Variants in NRXN3 observed in about 807,000 individuals in gnomAD.
The protein encoded by NRXN3 is neurexin 3, also known as neurexin III.
A neutral mutation model predicts 137.6 loss-of-function variants in NRXN3; 32 were observed. The observed-to-expected ratio is 0.23, with a 90% confidence interval of 0.18 to 0.31. The LOEUF (loss-of-function observed/expected upper bound fraction) is 0.31. NRXN3 is among the 10% of genes least tolerant of loss of function. The pLI is 1.00. For missense variants in NRXN3, 1,574 were observed against 2,062.5 expected (o/e 0.76, Z 4.59); for synonymous variants, 798 against 784.5 (o/e 1.02, Z -0.29).
rs537076408 is a variant in NRXN3, at chr14:78,537,144, A to G, written c.758-107976A>G. 2.0e-5 allele frequency among the ~76,000 whole-genome samples: 3 copies of G among 152,304 alleles called. No homozygotes were observed. The South Asian group carries it at 6.2e-4, about 32-fold the overall frequency. On this transcript the variant is annotated intron_variant, in intron 4 of 20. Transcript: ENST00000335750. ...CCCAGTTATGGGATTGCTGGGTCCA[A>G]TCATAATTCTAGTTCTAGATCCTTG...
rs377387220 is a variant in NRXN3, at chr14:79,499,881, C to T, written c.3444+32479C>T. Among the ~76,000 whole-genome samples, 89 of 151,914 alleles carry T rather than the reference C, an allele frequency of 5.9e-4. 1 individual carries two copies. Among genetic ancestry groups the T allele is most frequent in the African/African-American group, 2.0e-3 (82 of 41,332 alleles). On this transcript the variant is annotated intron_variant, in intron 16 of 20. Transcript: ENST00000335750. ...TCATTCATTCCTTCATCATTCTTCA[C>T]TCATCAGACATGTAGTGAGGACTTT...
At chr14:78,256,691 A>C (rs561140835) in intron 2 of NRXN3, among the ~76,000 whole-genome samples, 1 of 152,370 alleles carries the variant, frequency 6.6e-6, no homozygotes, top group South Asian at 2.1e-4. Context: ...CATTGAGCTC[A>C]TATTCCTAGG....
rs796373258 is a variant in NRXN3, at chr14:79,189,393, G to A, written c.3262+201252G>A. 3.4e-5 allele frequency among the ~76,000 whole-genome samples: 4 copies of A among 119,070 alleles called. No individual in the cohort carries two copies. The Admixed American group carries it at 3.8e-4, about 11-fold the overall frequency. The allele number at this position is 119,070 out of a possible 152,430, so 78.1% of individuals were successfully genotyped here. A position where few individuals can be genotyped will look rare whatever the true frequency, so the allele number is the denominator to read the frequency against. On this transcript the variant is annotated intron_variant, in intron 15 of 20. Transcript: ENST00000335750. ...CACACTCTGGGGACTGTTGTGGGGT[G>A]GGGGGAGGGGGGAGGGATAGCTTTA...
chr14:79,118,107 G>A (rs1248823993), intron 15 of NRXN3, among the ~76,000 whole-genome samples: 1 of 151,384 alleles, frequency 6.6e-6, no homozygotes, highest in African/African-American at 2.4e-5. Context: ...GTAGAGGAAT[G>A]GTGAATCCCT....
intron 16 of NRXN3, among the ~76,000 whole-genome samples, chr14:79,548,030 T>A (rs999895297): frequency 6.6e-5 from 10 of 152,012 alleles, no homozygotes; most frequent in African/African-American, 1.4e-4. Flanking sequence ...CTTTTTTTTT[T>A]AACTATTAAT....
intron 14 of NRXN3, among the ~76,000 whole-genome samples, chr14:78,976,609 T>C (rs904026846): frequency 6.6e-6 from 1 of 152,212 alleles, no homozygotes; most frequent in South Asian, 2.1e-4. Context: ...TCCATTGTAT[T>C]TTTTGTTATA....
Position 78,533,739 on chromosome 14 carries a change from C to G in NRXN3, c.758-111381C>G, listed in dbSNP as rs986941255. On this transcript the variant is annotated intron_variant, in intron 4 of 20. Coordinates refer to ENST00000335750, the MANE Select transcript of NRXN3 (RefSeq NM_001330195.2). ...CGATATCATCTCTCCAGGAAGCCCT[C>G]CCCGCATTTCTGCACTCACTTTCTC... 2.0e-5 allele frequency among the ~76,000 whole-genome samples: 3 copies of G among 152,356 alleles called. No homozygotes were observed. In the South Asian group the frequency reaches 6.2e-4, roughly 32 times the overall value.
chr14:78,233,045 G>A (rs1476391997), intron 1 of NRXN3, among the ~76,000 whole-genome samples: 1 of 152,214 alleles, frequency 6.6e-6, no homozygotes, highest in African/African-American at 2.4e-5. Flanking sequence ...CAACAACTAG[G>A]CTACCTTGGG....
At chr14:78,552,793 G>A (rs1384954225) in intron 4 of NRXN3, among the ~76,000 whole-genome samples, 1 of 152,220 alleles carries the variant, frequency 6.6e-6, no homozygotes, top group African/African-American at 2.4e-5. Context: ...TGTTAGATCA[G>A]TAAGGTGACT....
At chr14:79,663,672 C>G in intron 16 of NRXN3, 106 bp from the exon 17 acceptor site, 2 of 831,454 alleles carry the variant, frequency 2.4e-6, no homozygotes, top group Middle Eastern at 6.8e-4. Context: ...ATGCTGACAG[C>G]TCCCTCTGGG....
intron 16 of NRXN3, among the ~76,000 whole-genome samples, chr14:79,605,852 C>T (rs1418274510): frequency 1.3e-5 from 2 of 152,148 alleles, no homozygotes; most frequent in East Asian, 3.9e-4. Flanking sequence ...ACTGTCATGC[C>T]TTGTCAGCTA....
At position 79,805,123 on chromosome 14, in the gene NRXN3, T is replaced by A. The variant is rs756843187; in HGVS notation, c.4026T>A (p.Asp1342Glu). The stretch of plus-strand genomic sequence containing the variant: ...TTTGACATAAACAGCCAACATCAGA[T>A]GATCTTGTTTCATCTGCTGAATGTT... ...RSTASIQPTS[D>E]DLVSSAECSS... The change falls in exon 20 of 21, where the codon GAT (aspartate) becomes GAA (glutamate). Residue 1342 changes from aspartate (D) to glutamate (E), a missense_variant. Coordinates refer to ENST00000335750, the MANE Select transcript of NRXN3 (RefSeq NM_001330195.2). 1.2e-6 allele frequency: 2 copies of A among 1,612,590 alleles called. No homozygotes were observed. Among genetic ancestry groups the A allele is most frequent in the South Asian group, 2.2e-5 (2 of 90,918 alleles).
chr14:78,231,965 C>G (rs763749013), intron 1 of NRXN3, among the ~76,000 whole-genome samples: 6 of 152,254 alleles, frequency 3.9e-5, no homozygotes, highest in Admixed American at 6.5e-5. Flanking sequence ...TGTCCCCTTT[C>G]TAGGGGCTGT....
chr14:79,662,152 T>C (rs1002404998), intron 16 of NRXN3, among the ~76,000 whole-genome samples: 4 of 152,180 alleles, frequency 2.6e-5, no homozygotes, highest in Non-Finnish European at 1.5e-5. Context: ...TAAACCTCTT[T>C]TGTTCATAAA....
intron 4 of NRXN3, among the ~76,000 whole-genome samples, chr14:78,640,441 C>T (rs2152563951): frequency 6.6e-6 from 1 of 152,250 alleles, no homozygotes; most frequent in African/African-American, 2.4e-5. Context: ...TTAGGAATGG[C>T]AGGCCTAATT....
intron 4 of NRXN3, among the ~76,000 whole-genome samples, chr14:78,453,216 G>T (rs1002995168): frequency 5.9e-5 from 9 of 152,286 alleles, no homozygotes; most frequent in African/African-American, 2.2e-4. Flanking sequence ...CATTGATAGT[G>T]TTTAAAGAGA....
intron 16 of NRXN3, among the ~76,000 whole-genome samples, chr14:79,583,650 C>T (rs745713893): frequency 2.0e-5 from 3 of 152,204 alleles, no homozygotes; most frequent in Non-Finnish European, 4.4e-5. Context: ...AGAAAATGAC[C>T]ATGCAGTCAC....
At chr14:78,220,676 G>A (rs2012204342) in intron 1 of NRXN3, among the ~76,000 whole-genome samples, 1 of 152,102 alleles carries the variant, frequency 6.6e-6, no homozygotes, top group South Asian at 2.1e-4. Flanking sequence ...GGTGAGTGGG[G>A]AGCCTATAGA....
At chr14:78,770,664 G>C (rs1006938577) in intron 8 of NRXN3, among the ~76,000 whole-genome samples, 1 of 152,142 alleles carries the variant, frequency 6.6e-6, no homozygotes, top group African/African-American at 2.4e-5. Context: ...TAGTGACCAG[G>C]TTAAAAAATA....
Sources: allele counts gnomAD v4.1 joint callset (sites outside exome capture counted in the v4.1 genomes callset), GRCh38; gene constraint gnomAD v4.1.1; transcripts MANE v1.5; gene names NCBI Gene and HGNC (gene_info 2026-07-23, HGNC 2026-07-21).